The following INPP4B variants were observed in gnomAD, a reference collection of about 807,000 sequenced individuals.
INPP4B encodes the protein inositol polyphosphate-4-phosphatase type II B.
In INPP4B, 55 loss-of-function variants were observed where a neutral mutation model predicts 122.5. The ratio of observed to expected loss-of-function variants is 0.45; its 90% CI spans 0.36 to 0.56. The LOEUF (loss-of-function observed/expected upper bound fraction) is 0.56, where lower values mean the gene tolerates loss of function less well. Ranked by LOEUF, INPP4B falls within the 20% of genes least tolerant of loss-of-function variation. The probability of loss-of-function intolerance (pLI) is 0.00; values close to 1 mark genes in which losing one functional copy is unlikely to be tolerated. For synonymous variants in INPP4B, 403 were observed against 388.7 expected (o/e 1.04, Z -0.43); for missense variants, 1,000 against 1,097.7 (o/e 0.91, Z 1.26).
rs569817056 is a variant in INPP4B, at chr4:142,427,607, T to C, written c.136+1566A>G. On this transcript the variant is annotated intron_variant, in intron 5 of 25. Transcript: ENST00000262992. ...AGAAGACAGGTATTTGGTTCAAGTATGCCATTTCTTGAAGGCTGGCCACCA... is the reference window on the plus strand; with the variant it reads ...AGAAGACAGGTATTTGGTTCAAGTACGCCATTTCTTGAAGGCTGGCCACCA... 9.9e-6 allele frequency: 4 copies of C among 405,802 alleles called. No homozygotes were observed. The South Asian group carries it at 2.8e-4, about 29-fold the overall frequency. 25.1% of individuals were successfully genotyped at this position (405,802 alleles called of 1,614,324 possible).
At chr4:142,237,504 A>C (rs1446832643) in intron 12 of INPP4B, among the ~76,000 whole-genome samples, 1 of 152,120 alleles carries the variant, frequency 6.6e-6, no homozygotes, top group African/African-American at 2.4e-5. Context: ...AATCATCTGC[A>C]AGCGTGGCTA....
intron 11 of INPP4B, among the ~76,000 whole-genome samples, chr4:142,251,021 T>C (rs182942310): frequency 6.6e-6 from 1 of 152,312 alleles, no homozygotes; most frequent in East Asian, 1.9e-4. Context: ...AGAATTAGTA[T>C]GGCTTCCAAC....
chr4:142,090,243 A>G (rs1385931627), intron 23 of INPP4B, among the ~76,000 whole-genome samples: 1 of 152,098 alleles, frequency 6.6e-6, no homozygotes, highest in African/African-American at 2.4e-5. Flanking sequence ...GTCTCATGGA[A>G]ATTTCATTTC....
chr4:142,604,640 T>G (rs1308653259), intron 2 of INPP4B, among the ~76,000 whole-genome samples: 1 of 151,782 alleles, frequency 6.6e-6, no homozygotes, highest in Non-Finnish European at 1.5e-5. Context: ...TACAAAAAAA[T>G]ACTTGAAAAT....
intron 2 of INPP4B, among the ~76,000 whole-genome samples, chr4:142,587,938 A>G (rs896139785): frequency 1.3e-5 from 2 of 151,998 alleles, no homozygotes; most frequent in African/African-American, 4.8e-5. Flanking sequence ...AATGCTCAAC[A>G]AAAATATATA....
chr4:142,620,529 G>A (rs1033740588), intron 2 of INPP4B, among the ~76,000 whole-genome samples: 2 of 151,802 alleles, frequency 1.3e-5, no homozygotes, highest in Non-Finnish European at 2.9e-5. Flanking sequence ...AGGAGAGTGA[G>A]GATCGATAAA....
At chr4:142,390,153 T>C (rs1448561386) in intron 7 of INPP4B, among the ~76,000 whole-genome samples, 5 of 152,206 alleles carry the variant, frequency 3.3e-5, no homozygotes, top group Non-Finnish European at 7.4e-5. Flanking sequence ...TTAAGATAGA[T>C]ACATTTTATC....
chr4:142,304,656 C>G (rs1485835312), intron 9 of INPP4B, among the ~76,000 whole-genome samples: 3 of 151,964 alleles, frequency 2.0e-5, no homozygotes, highest in Non-Finnish European at 4.4e-5. Flanking sequence ...AAAGTGGTCT[C>G]CATGTTTCAT....
intron 2 of INPP4B, among the ~76,000 whole-genome samples, chr4:142,620,279 T>A (rs1349630394): frequency 1.3e-5 from 2 of 151,814 alleles, no homozygotes; most frequent in East Asian, 3.9e-4. Context: ...GTGGACTGGA[T>A]AAAGAAAATG....
chr4:142,176,158 T>TATTA (rs1828143368), intron 15 of INPP4B, among the ~76,000 whole-genome samples: 1 of 148,762 alleles, frequency 6.7e-6, no homozygotes, highest in South Asian at 2.1e-4. Flanking sequence ...ATTATTATAC[T>TATTA]TTAAGTTCTA....
rs145174228 is a variant in INPP4B, at chr4:142,725,742, G to A, written c.-191+97C>T. The stretch of plus-strand genomic sequence containing the variant: ...CAGATAATAATTTACTTTTTTGATG[G>A]GTAATTCAATATCTAAAACGAATAA... On this transcript the variant is annotated intron_variant, in intron 2 of 25. Transcript: ENST00000262992. The A allele has an allele frequency of 2.6e-3, 1,037 of 393,162 alleles. 17 individuals are homozygous for A. The highest frequency in any genetic ancestry group is 0.018 in the Admixed American group (407 of 22,602). 24.4% of individuals were successfully genotyped at this position (393,162 alleles called of 1,614,324 possible). A position where few individuals can be genotyped will look rare whatever the true frequency, so the allele number is the denominator to read the frequency against.
chr4:142,749,793 G>A (rs916723339), intron 1 of INPP4B, among the ~76,000 whole-genome samples: 13 of 151,972 alleles, frequency 8.6e-5, no homozygotes, highest in Non-Finnish European at 1.9e-4. Flanking sequence ...ACATTACAAA[G>A]TGAAAATTAC....
intron 12 of INPP4B, among the ~76,000 whole-genome samples, chr4:142,217,836 TC>T (rs148972945): frequency 0.034 from 5,204 of 152,162 alleles, 288 homozygotes; most frequent in African/African-American, 0.12. Context: ...GACTGACACT[TC>T]CCCCAAGTAA....
chr4:142,237,599 G>C (rs1420979629), intron 12 of INPP4B, among the ~76,000 whole-genome samples: 2 of 152,018 alleles, frequency 1.3e-5, no homozygotes, highest in East Asian at 3.9e-4. Flanking sequence ...ATAGTTACAT[G>C]GGACTAGTGG....
chr4:142,421,376 C>T (rs1562062098), intron 5 of INPP4B, among the ~76,000 whole-genome samples: 1 of 152,106 alleles, frequency 6.6e-6, no homozygotes, highest in Admixed American at 6.6e-5. Flanking sequence ...CTAAAAAATC[C>T]TCCCTGTCCA....
At chr4:142,738,608 T>TAAA (rs1456451302) in intron 1 of INPP4B, among the ~76,000 whole-genome samples, 18 of 135,456 alleles carry the variant, frequency 1.3e-4, no homozygotes, top group Admixed American at 7.9e-4. Context: ...TAAAGTATAA[T>TAAA]AAAAACAAAA....
chr4:142,172,247 TG>T (rs1432588490), intron 16 of INPP4B, among the ~76,000 whole-genome samples: 1 of 152,012 alleles, frequency 6.6e-6, no homozygotes, highest in Non-Finnish European at 1.5e-5. Context: ...CATCCAGATC[TG>T]GGTTTGAACC....
intron 25 of INPP4B, among the ~76,000 whole-genome samples, chr4:142,071,818 A>G (rs1044680950): frequency 6.6e-6 from 1 of 152,246 alleles, no homozygotes; most frequent in African/African-American, 2.4e-5. Flanking sequence ...AATGGCAATC[A>G]TTAAAAAGTA....
At chr4:142,045,305 C>G (rs1750722190) in intron 25 of INPP4B, among the ~76,000 whole-genome samples, 1 of 152,216 alleles carries the variant, frequency 6.6e-6, no homozygotes, top group Middle Eastern at 3.4e-3. Flanking sequence ...TTTATTAACA[C>G]CAGTGACTGT....
Sources: allele counts gnomAD v4.1 joint callset (sites outside exome capture counted in the v4.1 genomes callset), GRCh38; gene constraint gnomAD v4.1.1; transcripts MANE v1.5; gene names NCBI Gene and HGNC (gene_info 2026-07-23, HGNC 2026-07-21).